The following PIK3C2G variants were observed in gnomAD, a reference collection of about 807,000 sequenced individuals.
PIK3C2G encodes the protein phosphatidylinositol-4-phosphate 3-kinase catalytic subunit type 2 gamma.
Under a neutral mutation model 181.1 loss-of-function variants are expected in PIK3C2G, and 168 were observed. The ratio of observed to expected loss-of-function variants is 0.93; its 90% CI spans 0.82 to 1.05. The LOEUF is 1.05. PIK3C2G is among the 50% of genes least tolerant of loss of function. The pLI, the probability that PIK3C2G is intolerant of heterozygous loss-of-function variation, is 0.00. For missense variants in PIK3C2G, 1,869 were observed against 1,732.8 expected, an observed-to-expected ratio of 1.08 and a Z score of -1.40; for synonymous variants, 573 against 592.2, an observed-to-expected ratio of 0.97 and a Z score of 0.47.
At chr12:18,465,800 T>G (rs948303535) in intron 18 of PIK3C2G, among the ~76,000 whole-genome samples, 1 of 151,844 alleles carries the variant, frequency 6.6e-6, no homozygotes, top group Non-Finnish European at 1.5e-5. Flanking sequence ...TGAAGATAAG[T>G]GTTTTTCATT....
At chr12:18,707,196 AAAC>A in the PIK3C2G span, among the ~76,000 whole-genome samples, 1 of 152,320 alleles carries the variant, frequency 6.6e-6, no homozygotes, top group African/African-American at 2.4e-5. Context: ...TTTCCAAATA[AAAC>A]AACATTTACA....
chr12:18,330,478 G>A (rs76982585), intron 8 of PIK3C2G, among the ~76,000 whole-genome samples: 2,350 of 152,194 alleles, frequency 0.015, 28 homozygotes, highest in Non-Finnish European at 0.026. Flanking sequence ...TTTAATTTTA[G>A]CCATTCTAGT....
chr12:18,267,409 G>A (rs562187517), intron 1 of PIK3C2G, among the ~76,000 whole-genome samples: 5 of 151,670 alleles, frequency 3.3e-5, no homozygotes, highest in South Asian at 4.2e-4. Context: ...TAATTACTTC[G>A]TTATACATAG....
chr12:18,651,783 A>C (rs1296600572), downstream of PIK3C2G, among the ~76,000 whole-genome samples: 1 of 152,184 alleles, frequency 6.6e-6, no homozygotes, highest in Admixed American at 6.6e-5. Flanking sequence ...CTTGCAGGGT[A>C]TATGAATGTC....
At chr12:18,338,714 C>A (rs1403166002) in intron 9 of PIK3C2G, among the ~76,000 whole-genome samples, 166 bp downstream of exon 9, 1 of 140,506 alleles carries the variant, frequency 7.1e-6, no homozygotes, top group Non-Finnish European at 1.6e-5. Flanking sequence ...TGTGTGCATG[C>A]AGCCAAACAG....
chr12:18,263,528 T>G (rs945979231), intron 1 of PIK3C2G, among the ~76,000 whole-genome samples: 5 of 152,204 alleles, frequency 3.3e-5, no homozygotes, highest in Non-Finnish European at 7.4e-5. Context: ...TATATCAGTT[T>G]CTCCTTGTAG....
intron 16 of PIK3C2G, among the ~76,000 whole-genome samples, chr12:18,405,628 C>A (rs1444827108): frequency 2.0e-5 from 3 of 151,982 alleles, no homozygotes. Context: ...TATCTTAGAA[C>A]TCTTGAAAAA....
intron 18 of PIK3C2G, among the ~76,000 whole-genome samples, chr12:18,430,991 T>G (rs148891198): frequency 6.6e-6 from 1 of 152,188 alleles, no homozygotes; most frequent in East Asian, 1.9e-4. Context: ...TCTAAAATTT[T>G]GGGGGCAAGT....
chr12:18,555,398 C>T (rs1210724102), intron 26 of PIK3C2G, among the ~76,000 whole-genome samples: 1 of 152,108 alleles, frequency 6.6e-6, no homozygotes, highest in Non-Finnish European at 1.5e-5. Context: ...GATGCTGAAC[C>T]TGACACAGAA....
At chr12:18,417,028 G>A (rs1365924202) in intron 16 of PIK3C2G, among the ~76,000 whole-genome samples, 1 of 152,172 alleles carries the variant, frequency 6.6e-6, no homozygotes, top group Admixed American at 6.5e-5. Flanking sequence ...TTCATGGGAA[G>A]AGGTCAAAAC....
rs79490047 is a variant in PIK3C2G, at chr12:18,391,135, C to A, written c.2009C>A (p.Ala670Asp). 1 of 1,597,048 alleles carries A rather than the reference C, an allele frequency of 6.3e-7. No homozygotes were observed. Among genetic ancestry groups the A allele is most frequent in the Non-Finnish European group, 8.5e-7 (1 of 1,172,406 alleles). ...TTTTTCTTTCAGATTGATTTTCCAG[C>A]TACTGGGTGGGAGTATATGAAACCT... ...SPVTLQIDFP[A>D]TGWEYMKPDS... The change falls in exon 15 of 33, where the codon GCT becomes GAT. Residue 670 changes from alanine (A) to aspartate (D), a missense_variant. Transcript: ENST00000538779.
At chr12:18,487,132 G>GTGTGTGTGTGTC in intron 18 of PIK3C2G, among the ~76,000 whole-genome samples, 1 of 150,788 alleles carries the variant, frequency 6.6e-6, no homozygotes, top group East Asian at 1.9e-4. Context: ...GTGTGTGTGT[G>GTGTGTGTGTGTC]TGTAAATGCT....
At chr12:18,566,184 T>C (rs773367345) in intron 28 of PIK3C2G, among the ~76,000 whole-genome samples, 39 of 152,308 alleles carry the variant, frequency 2.6e-4, no homozygotes, top group Middle Eastern at 3.4e-3. Flanking sequence ...CATCTTTATC[T>C]TTGCTGACTG....
chr12:18,478,378 T>G (rs1489263731), intron 18 of PIK3C2G, among the ~76,000 whole-genome samples: 1 of 152,204 alleles, frequency 6.6e-6, no homozygotes, highest in Non-Finnish European at 1.5e-5. Flanking sequence ...CAAGCACATC[T>G]GTTGCATGTG....
At chr12:18,429,949 T>A (rs988833015) in intron 18 of PIK3C2G, among the ~76,000 whole-genome samples, 9 of 152,278 alleles carry the variant, frequency 5.9e-5, no homozygotes, top group African/African-American at 2.2e-4. Context: ...ATCTCTAAGA[T>A]ATAATTTACA....
At chr12:18,707,959 A>G in the PIK3C2G span, among the ~76,000 whole-genome samples, 1 of 152,218 alleles carries the variant, frequency 6.6e-6, no homozygotes, top group African/African-American at 2.4e-5. Context: ...ACAGTGAATC[A>G]AATTAACATA....
At chr12:18,616,806 C>T (rs1948627400) in intron 31 of PIK3C2G, among the ~76,000 whole-genome samples, 1 of 151,952 alleles carries the variant, frequency 6.6e-6, no homozygotes, top group Non-Finnish European at 1.5e-5. Flanking sequence ...TAGCAAAAAG[C>T]TGAAAATTTT....
chr12:18,396,661 T>C lies in PIK3C2G; in HGVS notation c.2127-2998T>C, dbSNP rs567271408. Among the ~76,000 whole-genome samples the C allele has an allele frequency of 1.6e-3, 238 of 151,830 alleles. 1 individual carries two copies. The highest frequency in any genetic ancestry group is 5.5e-3 in the African/African-American group (227 of 41,550). On this transcript the variant is annotated intron_variant, in intron 15 of 32. Transcript: ENST00000538779. ...CCAGTAAAAATATATATAAAATAAA[T>C]TCTGTTTTGAAATGTTACTTACTGT...
intron 31 of PIK3C2G, among the ~76,000 whole-genome samples, chr12:18,627,169 T>G (rs1016602136): frequency 6.6e-6 from 1 of 151,996 alleles, no homozygotes; most frequent in African/African-American, 2.4e-5. Flanking sequence ...AAATTTCTAT[T>G]GCATTTTTTC....
Sources: allele counts gnomAD v4.1 joint callset (sites outside exome capture counted in the v4.1 genomes callset), GRCh38; gene constraint gnomAD v4.1.1; transcripts MANE v1.5; gene names NCBI Gene and HGNC (gene_info 2026-07-23, HGNC 2026-07-21).